SLIT3: variants seen among roughly 807,000 people sequenced by gnomAD.
SLIT3 encodes the protein slit guidance ligand 3, also known as slit homolog 3 protein.
In SLIT3, 68 loss-of-function variants were observed where a neutral mutation model predicts 184.0. That is an observed-to-expected ratio of 0.37 (90% CI 0.30 to 0.45). SLIT3 has a LOEUF of 0.45. Ranked by LOEUF, SLIT3 falls within the 20% of genes least tolerant of loss-of-function variation. The pLI is 1.00. For synonymous variants in SLIT3, 831 were observed against 828.6 expected (o/e 1.00, Z -0.05); for missense variants, 1,707 against 2,026.0 (o/e 0.84, Z 3.02).
At chr5:169,092,774 G>T (rs1378481741) in intron 4 of SLIT3, among the ~76,000 whole-genome samples, 1 of 152,146 alleles carries the variant, frequency 6.6e-6, no homozygotes, top group East Asian at 1.9e-4. Context: ...TTGTGGTCTT[G>T]GTGTACCCAC....
intron 4 of SLIT3, among the ~76,000 whole-genome samples, chr5:168,960,588 C>G (rs1217705304): frequency 6.6e-6 from 1 of 152,206 alleles, no homozygotes; most frequent in Non-Finnish European, 1.5e-5. Flanking sequence ...TCATTCATGT[C>G]ATTCCATGAC....
chr5:169,028,903 C>T (rs974648282), intron 4 of SLIT3, among the ~76,000 whole-genome samples: 1 of 152,172 alleles, frequency 6.6e-6, no homozygotes, highest in African/African-American at 2.4e-5. Flanking sequence ...ACAAAAGTGA[C>T]CTATAAATAA....
At chr5:169,297,473 C>T (rs757218312) in intron 1 of SLIT3, among the ~76,000 whole-genome samples, 2 of 152,190 alleles carry the variant, frequency 1.3e-5, no homozygotes, top group Admixed American at 6.5e-5. Flanking sequence ...AAGCAATATA[C>T]ACAGACACAC....
chr5:169,147,103 T>C (rs962624128), intron 4 of SLIT3, among the ~76,000 whole-genome samples: 4 of 152,214 alleles, frequency 2.6e-5, no homozygotes, highest in African/African-American at 9.6e-5. Flanking sequence ...GATACTCCTA[T>C]GCAGCCCCCA....
At chr5:169,196,972 C>T (rs73317654) in intron 3 of SLIT3, among the ~76,000 whole-genome samples, 20 of 152,056 alleles carry the variant, frequency 1.3e-4, no homozygotes, top group Admixed American at 1.2e-3. Flanking sequence ...ATTCAGAGAA[C>T]CAACACTCCA....
chr5:168,968,511 T>C (rs990711336), intron 4 of SLIT3, among the ~76,000 whole-genome samples: 3 of 152,214 alleles, frequency 2.0e-5, no homozygotes, highest in Non-Finnish European at 2.9e-5. Flanking sequence ...TTGGGTTCAT[T>C]ACAAAGGGAA....
intron 4 of SLIT3, among the ~76,000 whole-genome samples, chr5:169,040,134 C>G (rs184423789): frequency 6.6e-6 from 1 of 152,054 alleles, no homozygotes; most frequent in Non-Finnish European, 1.5e-5. Context: ...TCCTATCGAC[C>G]ACATCCAGGG....
chr5:168,883,218 G>T (rs759990349), intron 5 of SLIT3, 47 bp downstream of exon 5: 60 of 1,504,950 alleles, frequency 4.0e-5, no homozygotes, highest in Non-Finnish European at 5.3e-5. Context: ...TGGTCAGAGA[G>T]CCCAAGTTAG....
chr5:169,073,929 T>G (rs1758645653), intron 4 of SLIT3, among the ~76,000 whole-genome samples: 1 of 152,156 alleles, frequency 6.6e-6, no homozygotes, highest in African/African-American at 2.4e-5. Context: ...TACAGACAGA[T>G]GTGTGCTTTC....
chr5:168,836,703 C>T (rs113221775), intron 6 of SLIT3, among the ~76,000 whole-genome samples: 20 of 152,064 alleles, frequency 1.3e-4, no homozygotes, highest in African/African-American at 3.6e-4. Flanking sequence ...CACGACTTGC[C>T]GACTCCCCCT....
chr5:168,844,737 C>G, intron 5 of SLIT3, 82 bp from the exon 6 acceptor site: 1 of 1,261,886 alleles, frequency 7.9e-7, no homozygotes, highest in Non-Finnish European at 1.2e-6. Context: ...GAGCGCCTGT[C>G]CCTCCACCCC....
chr5:169,201,309 G>GT (rs569509604), intron 3 of SLIT3, among the ~76,000 whole-genome samples: 12 of 152,086 alleles, frequency 7.9e-5, no homozygotes, highest in Middle Eastern at 3.4e-3. Flanking sequence ...TCCCTAAGCA[G>GT]TTTTTTTTAC....
intron 35 of SLIT3, 102 bp from the exon 36 acceptor site, chr5:168,666,791 CTG>C (rs1290750817): frequency 6.4e-6 from 10 of 1,561,592 alleles, no homozygotes; most frequent in African/African-American, 1.3e-5. Context: ...GCTCTGAAGA[CTG>C]TAAGAATTTA....
chr5:169,017,550 G>T (rs571221207), intron 4 of SLIT3, among the ~76,000 whole-genome samples: 1 of 152,182 alleles, frequency 6.6e-6, no homozygotes, highest in East Asian at 1.9e-4. Context: ...GCAAGGCCTC[G>T]CTGGCAGCAG....
chr5:169,223,996 C>T (rs967786388), intron 3 of SLIT3, among the ~76,000 whole-genome samples: 1 of 152,196 alleles, frequency 6.6e-6, no homozygotes, highest in African/African-American at 2.4e-5. Context: ...ACATTGTAAT[C>T]ATATCTCGTC....
intron 14 of SLIT3, chr5:168,772,382 T>C: frequency 4.7e-6 from 1 of 213,742 alleles, no homozygotes; most frequent in Non-Finnish European, 9.4e-6. Context: ...TAGCCTCGCC[T>C]GAGCTATATG....
intron 12 of SLIT3, among the ~76,000 whole-genome samples, chr5:168,778,224 C>A (rs1321506152): frequency 1.3e-5 from 2 of 152,178 alleles, no homozygotes; most frequent in Non-Finnish European, 2.9e-5. Context: ...TCTTATGTAA[C>A]CCCCACAACA....
intron 4 of SLIT3, among the ~76,000 whole-genome samples, chr5:169,039,217 C>T (rs1757362692): frequency 6.6e-6 from 1 of 152,090 alleles, no homozygotes; most frequent in Non-Finnish European, 1.5e-5. Flanking sequence ...AAGTACATTA[C>T]CCTGAGGGGG....
At chr5:168,763,910 G>C (rs1202297601) in intron 14 of SLIT3, among the ~76,000 whole-genome samples, 2 of 152,210 alleles carry the variant, frequency 1.3e-5, no homozygotes, top group East Asian at 3.8e-4. Context: ...AAGTGTTTCA[G>C]AGAATGTGAA....
Sources: gnomAD v4.1 joint callset for allele counts (sites outside exome capture counted in the v4.1 genomes callset) on GRCh38, gnomAD v4.1.1 for gene constraint, MANE v1.5 for transcripts, NCBI Gene and HGNC (gene_info 2026-07-23, HGNC 2026-07-21) for gene names.